Variants in KLHL13 observed in about 807,000 individuals in gnomAD.
KLHL13 encodes kelch-like protein 13.
KLHL13 carries 10 observed loss-of-function variants against 37.1 expected under a neutral mutation model. The ratio of observed to expected loss-of-function variants is 0.27; its 90% CI spans 0.17 to 0.46. The LOEUF is 0.46. KLHL13 is among the 20% of genes least tolerant of loss of function. The probability of loss-of-function intolerance (pLI) is 1.00; values close to 1 mark genes in which losing one functional copy is unlikely to be tolerated. For synonymous variants in KLHL13, 163 were observed against 181.2 expected (o/e 0.90, Z 0.81); for missense variants, 360 against 509.3 (o/e 0.71, Z 2.82).
In KLHL13 at chrX:118,003,718, A is replaced by G. The variant is rs376422344; in HGVS notation, c.-55-58143T>C. On this transcript the variant is annotated intron_variant, in intron 1 of 6. Transcript: ENST00000371882. ...CAGAATTTATAGGAACTACAACAATAGAAAGTAAATATCCAGTACAAGGGT... is the reference window on the plus strand; with the variant it reads ...CAGAATTTATAGGAACTACAACAATGGAAAGTAAATATCCAGTACAAGGGT... 1.2e-4 allele frequency among the ~76,000 whole-genome samples: 13 copies of G among 111,113 alleles called. No individual in the cohort carries two copies. The South Asian group carries it at 5.0e-3, about 42-fold the overall frequency.
chrX:117,990,257 C>T (rs889739505), intron 1 of KLHL13, among the ~76,000 whole-genome samples: 3 of 111,326 alleles, frequency 2.7e-5, no homozygotes, highest in Non-Finnish European at 5.7e-5. Flanking sequence ...TATATAATAA[C>T]TTTATGATAG....
chrX:117,985,815 T>G (rs754650755), intron 1 of KLHL13, among the ~76,000 whole-genome samples: 1 of 111,181 alleles, frequency 9.0e-6, no homozygotes, highest in African/African-American at 3.3e-5. Flanking sequence ...AGTCCTATCT[T>G]TTTTTCTTTA....
intron 1 of KLHL13, among the ~76,000 whole-genome samples, chrX:118,026,221 C>T (rs183522215): frequency 3.6e-5 from 4 of 111,270 alleles, no homozygotes; most frequent in South Asian, 3.8e-4. Flanking sequence ...TAAAATACCT[C>T]GGAATTGAAA....
chrX:118,017,319 T>C (rs1317434067), intron 1 of KLHL13, among the ~76,000 whole-genome samples: 1 of 111,789 alleles, frequency 8.9e-6, no homozygotes, highest in Non-Finnish European at 1.9e-5. Context: ...ATCATGCTTT[T>C]TCATGCCTTC....
chrX:118,026,214 A>G (rs1409401287), intron 1 of KLHL13, among the ~76,000 whole-genome samples: 1 of 111,942 alleles, frequency 8.9e-6, no homozygotes, highest in Non-Finnish European at 1.9e-5. Context: ...TGTATTTTAA[A>G]ATACCTCGGA....
chrX:118,028,527 A>C lies in KLHL13; in HGVS notation c.-55-82952T>G, dbSNP rs1369337604. 1.2e-5 allele frequency: 8 copies of C among 682,718 alleles called. No homozygotes were observed. The South Asian group carries it at 2.1e-4, about 18-fold the overall frequency. 56.3% of individuals were successfully genotyped at this position (682,718 alleles called of 1,213,427 possible). Reference sequence around the variant, plus strand: ...TCAGGAGGAAAAGAAGCCAATATTTACTATGAAGATTAACACTGGAATTTT... The same window carrying C: ...TCAGGAGGAAAAGAAGCCAATATTTCCTATGAAGATTAACACTGGAATTTT... On this transcript the variant is annotated intron_variant, in intron 1 of 6. Coordinates refer to the KLHL13 transcript ENST00000371882.
At chrX:117,945,959 C>G (rs906171280) in intron 1 of KLHL13, 1 of 119,842 alleles carries the variant, frequency 8.3e-6, no homozygotes, top group Non-Finnish European at 1.7e-5. Flanking sequence ...AAAATGATAG[C>G]TACCATTTAT....
At chrX:117,915,176 C>T (rs1236280560) in intron 4 of KLHL13, among the ~76,000 whole-genome samples, 1 of 111,636 alleles carries the variant, frequency 9.0e-6, no homozygotes, top group Non-Finnish European at 1.9e-5. Flanking sequence ...TCTTAAAAAA[C>T]ATGTCTGTTA....
rs192721813 is a variant in KLHL13, at chrX:118,004,322, G to C, written c.-55-58747C>G. Among the ~76,000 whole-genome samples the C allele has an allele frequency of 1.5e-3, 171 of 111,514 alleles. 2 individuals are homozygous for C. The highest frequency in any genetic ancestry group is 5.2e-3 in the African/African-American group (161 of 30,704). On this transcript the variant is annotated intron_variant, in intron 1 of 6. Coordinates refer to the KLHL13 transcript ENST00000371882. ...TTTCCTAGCTCTCTCCATCAAAAGG[G>C]CCTTGGAACAGCAATACTGGAATAG... is the stretch of plus-strand genomic sequence containing the variant.
At chrX:117,959,640 C>T (rs1018659524) in intron 1 of KLHL13, among the ~76,000 whole-genome samples, 6 of 111,956 alleles carry the variant, frequency 5.4e-5, no homozygotes, top group Non-Finnish European at 3.8e-5. Context: ...GCATTAATAT[C>T]ACATTCTCTT....
intron 1 of KLHL13, among the ~76,000 whole-genome samples, chrX:118,105,355 C>T: frequency 8.9e-6 from 1 of 112,499 alleles, no homozygotes; most frequent in East Asian, 2.8e-4. Context: ...AAGAATCAGA[C>T]TACATGGATT....
At chrX:117,948,630 C>T (rs938712138) in intron 1 of KLHL13, among the ~76,000 whole-genome samples, 2 of 111,237 alleles carry the variant, frequency 1.8e-5, no homozygotes, top group Non-Finnish European at 3.8e-5. Context: ...ACTATATTAA[C>T]GAATTTTGTT....
At chrX:117,941,643 T>C (rs750041278) in intron 2 of KLHL13, among the ~76,000 whole-genome samples, 1 of 112,192 alleles carries the variant, frequency 8.9e-6, no homozygotes, top group South Asian at 3.7e-4. Context: ...TGTAGTATTC[T>C]CTGATGGTAG....
intron 1 of KLHL13, among the ~76,000 whole-genome samples, chrX:118,079,328 A>G (rs981897083): frequency 2.7e-5 from 3 of 111,012 alleles, no homozygotes; most frequent in Admixed American, 9.6e-5. Flanking sequence ...AGGTAACCAA[A>G]TAGGAAAAAA....
chrX:117,903,135 AACACAC>A (rs751986919), intron 5 of KLHL13, among the ~76,000 whole-genome samples: 5 of 99,807 alleles, frequency 5.0e-5, no homozygotes, highest in Admixed American at 4.3e-4. Context: ...TGACAGGCAA[AACACAC>A]ACACACACAC....
chrX:117,909,353 G>A (rs187717991), exon 5 of KLHL13: 3 of 1,206,873 alleles, frequency 2.5e-6, no homozygotes, highest in East Asian at 3.0e-5. Flanking sequence ...ATCCTTTGAG[G>A]GCACTTAGGT....
chrX:117,974,170 A>G (rs757004926), upstream of KLHL13, among the ~76,000 whole-genome samples: 168 of 111,872 alleles, frequency 1.5e-3, no homozygotes, highest in Non-Finnish European at 1.8e-3. Flanking sequence ...AAAAGTGAAT[A>G]TAGGTTAAAT....
At position 117,996,830 on chromosome X, in the gene KLHL13, T is replaced by TA. The variant is rs5903508; in HGVS notation, c.-55-51256dup. Among the ~76,000 whole-genome samples the TA allele has an allele frequency of 2.7e-3, 258 of 94,828 alleles. 2 individuals are homozygous for TA. The highest frequency in any genetic ancestry group is 0.02 in the South Asian group (42 of 2,066). 82.3% of individuals were successfully genotyped at this position (94,828 alleles called of 115,157 possible). ...AACACTGATCAAATCATAGCCTATTTAAAAAAAAAAAAAAAGCTACATGTG... is the reference window on the plus strand; with the variant it reads ...AACACTGATCAAATCATAGCCTATTTAAAAAAAAAAAAAAAAGCTACATGTG... On this transcript the variant is annotated intron_variant, in intron 1 of 6. Transcript: ENST00000371882.
intron 1 of KLHL13, among the ~76,000 whole-genome samples, chrX:117,953,797 C>G: frequency 9.0e-6 from 1 of 111,544 alleles, no homozygotes; most frequent in East Asian, 2.8e-4. Context: ...GAGATACATT[C>G]TGTTATAGGC....
Sources: gnomAD v4.1 joint callset for allele counts (sites outside exome capture counted in the v4.1 genomes callset) on GRCh38, gnomAD v4.1.1 for gene constraint, MANE v1.5 for transcripts, NCBI Gene and HGNC (gene_info 2026-07-23, HGNC 2026-07-21) for gene names.